MLH3: variants seen among roughly 807,000 people sequenced by gnomAD.
MLH3 encodes mutL homolog 3.
MLH3 carries 82 observed loss-of-function variants against 122.2 expected under a neutral mutation model. The observed-to-expected ratio is 0.67, with a 90% confidence interval of 0.56 to 0.81. MLH3 has a LOEUF of 0.81. MLH3 is among the 30% of genes least tolerant of loss of function. The probability of loss-of-function intolerance (pLI) is 0.00; values close to 1 mark genes in which losing one functional copy is unlikely to be tolerated. For synonymous variants in MLH3, 524 were observed against 599.5 expected, an observed-to-expected ratio of 0.87 and a Z score of 1.84; for missense variants, 1,539 against 1,714.5, an observed-to-expected ratio of 0.90 and a Z score of 1.81.
chr14:75,048,651 A>G lies in MLH3; in HGVS notation c.1005T>C (p.Thr335=). ...CTCCTTCCTGAATGCAAAACAAGAG[A>G]GTGTCCCAGTTCTGAAATTCAATCA... ...KTLIEFQNWD[T]LLFCIQEGVK... is the part of the protein sequence containing the mutation. Residue 335 remains threonine, a synonymous_variant, in exon 2 of 13, where the codon ACT becomes ACC. Transcript: ENST00000355774. 3 of 1,614,180 alleles carry G rather than the reference A, an allele frequency of 1.9e-6. No homozygotes were observed. In the African/African-American group the frequency reaches 4.0e-5, roughly 22 times the overall value.
At chr14:75,042,534 TA>T (rs1002939052) in intron 2 of MLH3, 57 bp from the exon 3 acceptor site, 85 of 1,376,270 alleles carry the variant, frequency 6.2e-5, no homozygotes, top group Non-Finnish European at 8.1e-5. Context: ...GTAAACTCTT[TA>T]AAAATTTAAT....
In MLH3 at chr14:75,014,463, T is replaced by C. The variant is rs1889796310; in HGVS notation, c.*2619A>G. Reference sequence around the variant, plus strand: ...TTACCATCTCTAGTCTTAATTCTGATAGTGGGACTGCTAGCTCCTCTTCTT... The same window carrying C: ...TTACCATCTCTAGTCTTAATTCTGACAGTGGGACTGCTAGCTCCTCTTCTT... On this transcript the variant is annotated 3_prime_UTR_variant, in exon 13 of 13. Coordinates refer to ENST00000355774, the MANE Select transcript of MLH3 (RefSeq NM_001040108.2). 5.4e-6 allele frequency: 1 copy of C among 185,834 alleles called. No homozygotes were observed. Among genetic ancestry groups the C allele is most frequent in the Admixed American group, 6.2e-5 (1 of 16,084 alleles). The allele number at this position is 185,834 out of a possible 1,614,324, so 11.5% of individuals were successfully genotyped here.
chr14:75,035,027 C>A, intron 6 of MLH3, among the ~76,000 whole-genome samples: 1 of 113,384 alleles, frequency 8.8e-6, no homozygotes. Context: ...TGCACCACTG[C>A]AATCCCACCT....
At chr14:75,036,698 C>T (rs1891435906) in intron 6 of MLH3, 1 of 455,918 alleles carries the variant, frequency 2.2e-6, no homozygotes, top group South Asian at 1.5e-5. Context: ...TTTTCATCCT[C>T]TCTGCTCTGC....
Position 75,016,590 on chromosome 14 carries a change from G to GTGTA in MLH3, c.*491_*492insTACA. The GTGTA allele has an allele frequency of 4.6e-6, 1 of 216,148 alleles. No homozygotes were observed. Among genetic ancestry groups the GTGTA allele is most frequent in the African/African-American group, 2.3e-5 (1 of 43,488 alleles). 13.4% of individuals were successfully genotyped at this position (216,148 alleles called of 1,614,324 possible). A position where few individuals can be genotyped will look rare whatever the true frequency, so the allele number is the denominator to read the frequency against. ...AGTCTGAGATGTAGCACATGAAGCAGCAGCATAGGGAAGTGAAGAAGACTG... is the reference window on the plus strand; with the variant it reads ...AGTCTGAGATGTAGCACATGAAGCAGTGTACAGCATAGGGAAGTGAAGAAGACTG... On this transcript the variant is annotated 3_prime_UTR_variant, in exon 13 of 13. Transcript: ENST00000355774.
At chr14:75,025,313 C>T (rs1890558504) in intron 9 of MLH3, among the ~76,000 whole-genome samples, 2 of 152,310 alleles carry the variant, frequency 1.3e-5, no homozygotes, top group South Asian at 4.1e-4. Flanking sequence ...TTCTGCCCCA[C>T]CTCATCCCCA....
intron 6 of MLH3, 124 bp from the exon 7 acceptor site, chr14:75,033,614 A>T: frequency 1.4e-6 from 1 of 734,508 alleles, no homozygotes; most frequent in Non-Finnish European, 2.5e-6. Context: ...CATTCTGAGG[A>T]GTAACAATTG....
chr14:75,033,970 G>A (rs966662760), intron 6 of MLH3, among the ~76,000 whole-genome samples: 39 of 152,192 alleles, frequency 2.6e-4, no homozygotes, highest in South Asian at 8.3e-4. Context: ...TGAGGCGGGC[G>A]GATCATGAGG....
chr14:75,022,753 G>A (rs1252992061), intron 11 of MLH3, 61 bp downstream of exon 11: 1 of 1,437,142 alleles, frequency 7.0e-7, no homozygotes, highest in Non-Finnish European at 9.8e-7. Flanking sequence ...TGTAATCCCG[G>A]CAGCCCTGCC....
rs748359214 is a variant in MLH3 at position 75,048,172 on chromosome 14, C to A, written c.1484G>T (p.Ser495Ile). 1.9e-6 allele frequency: 3 copies of A among 1,613,994 alleles called. No individual in the cohort carries two copies. Among genetic ancestry groups the A allele is most frequent in the Non-Finnish European group, 1.7e-6 (2 of 1,179,976 alleles). ...GGTTCCACACGGATTTTCTAAAGAG[C>A]TATGTTCCAGGAAAGATTTTTTATG... ...EKHKKSFLEH[S>I]SLENPCGTSL... The change falls in exon 2 of 13, where the codon AGC (serine) becomes ATC (isoleucine). Residue 495 changes from serine to isoleucine, a missense_variant. Coordinates refer to ENST00000355774, the MANE Select transcript of MLH3 (RefSeq NM_001040108.2).
intron 1 of MLH3, chr14:75,051,146 G>A (rs1052902525): frequency 2.6e-5 from 4 of 152,234 alleles, no homozygotes; most frequent in African/African-American, 9.6e-5. Context: ...GGGGGCCTGG[G>A]AGGGCCGCGC....
In MLH3 at chr14:75,030,629, CA is replaced by C. The variant is rs773991629; in HGVS notation, c.3900del (p.Val1301TrpfsTer23). The C allele has an allele frequency of 1.2e-6, 2 of 1,613,684 alleles. No individual in the cohort carries two copies. The highest frequency in any genetic ancestry group is 4.5e-5 in the East Asian group (2 of 44,862). On this transcript the variant is annotated frameshift_variant, in exon 9 of 13. Coordinates refer to ENST00000355774, the MANE Select transcript of MLH3 (RefSeq NM_001040108.2). LOFTEE classifies it high-confidence loss of function. ...ACAAAACATAGTGGTACTTTTCCCA[CA>C]AGGACCAGAGAATCACTAGTGTCTG... ...VFPDTSDSLV[L>X]VGKVPLCFVE...
At chr14:75,036,405 G>C (rs1389787345) in intron 6 of MLH3, among the ~76,000 whole-genome samples, 4 of 151,606 alleles carry the variant, frequency 2.6e-5, no homozygotes, top group African/African-American at 9.7e-5. Flanking sequence ...GAGTGCAGTG[G>C]TGCGATCTTG....
chr14:75,021,369 T>G (rs969676608), intron 11 of MLH3, among the ~76,000 whole-genome samples: 2 of 152,154 alleles, frequency 1.3e-5, no homozygotes, highest in Non-Finnish European at 2.9e-5. Context: ...GACGGACAAC[T>G]TACAGAATGG....
In MLH3 at chr14:75,048,983, C is replaced by A. The variant is rs1320615837; in HGVS notation, c.673G>T (p.Glu225Ter). 4 of 1,613,892 alleles carry A rather than the reference C, an allele frequency of 2.5e-6. No homozygotes were observed. The highest frequency in any genetic ancestry group is 1.3e-5 in the African/African-American group (1 of 75,030). The change falls in exon 2 of 13, where the codon GAA becomes TAA. Residue 225 changes from glutamate to a stop codon, truncating the protein, a stop_gained. Coordinates refer to ENST00000355774, the MANE Select transcript of MLH3 (RefSeq NM_001040108.2). LOFTEE classifies it high-confidence loss of function. Reference protein sequence around the residue: ...YGLGKSQKLREISFKYKEFEL... With the variant: ...YGLGKSQKLR ...AACTCTTTATATTTAAAACTTATTT[C>A]TCTTAGCTTTTGGGACTTTCCCAAT...
intron 8 of MLH3, among the ~76,000 whole-genome samples, chr14:75,031,468 T>C (rs1468407179): frequency 6.6e-6 from 1 of 152,194 alleles, no homozygotes; most frequent in East Asian, 1.9e-4. Context: ...AGCCAACTGC[T>C]GGAAAAAATT....
Position 75,047,941 on chromosome 14 carries a change from C to T in MLH3, c.1715G>A (p.Trp572Ter). Residue 572 changes from tryptophan (W) to a stop codon, truncating the protein, a stop_gained, in exon 2 of 13, where the codon TGG becomes TAG. Transcript: ENST00000355774. LOFTEE classifies it high-confidence loss of function. Reference sequence around the variant, plus strand: ...CTCTGTCTGAGCACTATGTACTCCCCATAATGTTGTTGCAAAAGGCAGAGG... The same window carrying T: ...CTCTGTCTGAGCACTATGTACTCCCTATAATGTTGTTGCAAAAGGCAGAGG... ...CQPLPFATTL[W>*]GVHSAQTEKE... 1.9e-6 allele frequency: 3 copies of T among 1,614,104 alleles called. No homozygotes were observed. The highest frequency in any genetic ancestry group is 2.5e-6 in the Non-Finnish European group (3 of 1,180,002).
chr14:75,039,396 C>T (rs1339383554), intron 5 of MLH3, among the ~76,000 whole-genome samples: 1 of 152,114 alleles, frequency 6.6e-6, no homozygotes, highest in Non-Finnish European at 1.5e-5. Context: ...ATAAGACAGC[C>T]ATGGTGGTAA....
At chr14:75,018,727 A>G (rs1890061933) in intron 12 of MLH3, 102 bp downstream of exon 12, 1 of 1,395,078 alleles carries the variant, frequency 7.2e-7, no homozygotes, top group Non-Finnish European at 1.0e-6. Context: ...AAACTCTCCT[A>G]TTTTGGAAAG....
Sources: gnomAD v4.1 joint callset for allele counts (sites outside exome capture counted in the v4.1 genomes callset) on GRCh38, gnomAD v4.1.1 for gene constraint, MANE v1.5 for transcripts, NCBI Gene and HGNC (gene_info 2026-07-23, HGNC 2026-07-21) for gene names.